GREB1: variants seen among roughly 807,000 people sequenced by gnomAD.
GREB1 encodes the protein growth regulating estrogen receptor binding 1.
Under a neutral mutation model 200.7 loss-of-function variants are expected in GREB1, and 106 were observed. The ratio of observed to expected loss-of-function variants is 0.53; its 90% CI spans 0.45 to 0.62. The LOEUF (loss-of-function observed/expected upper bound fraction) is 0.62. Ranked by LOEUF, GREB1 falls within the 20% of genes least tolerant of loss-of-function variation. The pLI, the probability that GREB1 is intolerant of heterozygous loss-of-function variation, is 0.00. For synonymous variants in GREB1, 1,132 were observed against 1,092.4 expected, an observed-to-expected ratio of 1.04 and a Z score of -0.72; for missense variants, 2,243 against 2,556.8, an observed-to-expected ratio of 0.88 and a Z score of 2.65.
chr2:11,486,525 C>T (rs1409882645), intron 1 of GREB1, among the ~76,000 whole-genome samples: 1 of 151,560 alleles, frequency 6.6e-6, no homozygotes, highest in Non-Finnish European at 1.5e-5. Flanking sequence ...ATATTTGTGA[C>T]GTAAAATTTA....
intron 23 of GREB1, among the ~76,000 whole-genome samples, chr2:11,624,892 A>G (rs564756794): frequency 8.5e-5 from 13 of 152,234 alleles, no homozygotes; most frequent in African/African-American, 2.6e-4. Context: ...AATTCTTCCA[A>G]TGTGGCCCAG....
intron 12 of GREB1, 104 bp downstream of exon 12, chr2:11,595,483 T>C (rs990803465): frequency 8.6e-7 from 1 of 1,158,584 alleles, no homozygotes; most frequent in Non-Finnish European, 1.2e-6. Context: ...CTGCTAAGGC[T>C]GGCCTCCACT....
intron 1 of GREB1, among the ~76,000 whole-genome samples, chr2:11,523,022 A>G (rs1285622680): frequency 6.6e-6 from 1 of 152,216 alleles, no homozygotes; most frequent in East Asian, 1.9e-4. Flanking sequence ...TGTGGTACAG[A>G]TACACCATGG....
intron 26 of GREB1, among the ~76,000 whole-genome samples, chr2:11,631,349 A>T (rs1684859033): frequency 6.6e-6 from 1 of 152,208 alleles, no homozygotes. Flanking sequence ...TTGCATGGAA[A>T]ATTAAAGACA....
At chr2:11,501,200 C>G (rs1673028234) in intron 1 of GREB1, among the ~76,000 whole-genome samples, 1 of 152,172 alleles carries the variant, frequency 6.6e-6, no homozygotes, top group Non-Finnish European at 1.5e-5. Context: ...CTTTAATCAG[C>G]TGTGTTCCCT....
At chr2:11,491,779 A>C (rs557506799) in intron 1 of GREB1, among the ~76,000 whole-genome samples, 79 of 152,276 alleles carry the variant, frequency 5.2e-4, no homozygotes, top group African/African-American at 1.9e-3. Flanking sequence ...TTAACCTTCT[A>C]GTTCCAGGCC....
rs747613801 is a variant in GREB1 at position 11,618,466 on chromosome 2, G to A, written c.3591G>A (p.Thr1197=). Residue 1197 remains threonine (T), a synonymous_variant, in exon 22 of 33, where the codon ACG becomes ACA. Coordinates refer to ENST00000381486, the MANE Select transcript of GREB1 (RefSeq NM_014668.4). ...SAISRHSPGP[T]PQPDCSLRTG... is the part of the protein sequence containing the mutation. ...TCAGCAGGCACAGTCCCGGGCCGAC[G>A]CCCCAGCCCGACTGTAGCCTCAGGA... 57 of 1,606,018 alleles carry A rather than the reference G, an allele frequency of 3.5e-5. No individual in the cohort carries two copies. Among genetic ancestry groups the A allele is most frequent in the East Asian group, 1.3e-4 (6 of 44,596 alleles).
At chr2:11,491,144 T>C (rs1179237346) in intron 1 of GREB1, among the ~76,000 whole-genome samples, 2 of 152,174 alleles carry the variant, frequency 1.3e-5, no homozygotes, top group Non-Finnish European at 2.9e-5. Flanking sequence ...GTGGTTTAGA[T>C]CCATTGTTTT....
Position 11,593,095 on chromosome 2 carries a change from C to A in GREB1, c.1665C>A (p.Ser555Arg). Residue 555 changes from serine to arginine, a missense_variant, in exon 11 of 33, where the codon AGC becomes AGA. Ser to Arg is a moderately radical substitution (Grantham distance 110). This residue lies in a region of GREB1 where 1,178 missense variants were observed against 1,387.4 expected (regional missense o/e 0.85). Transcript: ENST00000381486. ...TGGTCATCATCTGCGCCTGCCGCAG[C>A]GCGGCCATCGACTCCTGCATCGCCG... ...NYVVIICACR[S>R]AAIDSCIAVT... 6.2e-7 allele frequency: 1 copy of A among 1,608,418 alleles called. No individual in the cohort carries two copies. The highest frequency in any genetic ancestry group is 2.2e-5 in the East Asian group (1 of 44,714).
intron 22 of GREB1, among the ~76,000 whole-genome samples, chr2:11,619,705 A>C (rs1259522377): frequency 6.6e-6 from 1 of 151,952 alleles, no homozygotes; most frequent in African/African-American, 2.4e-5. Context: ...CTTCTTTTTC[A>C]GTGATTTTCT....
chr2:11,556,589 A>G lies in GREB1; in HGVS notation c.-26A>G. On this transcript the variant is annotated 5_prime_UTR_variant, in exon 2 of 33. It removes the in-frame stop codon of an upstream open reading frame in the 5' UTR. Coordinates refer to ENST00000381486, the MANE Select transcript of GREB1 (RefSeq NM_014668.4). The stretch of plus-strand genomic sequence containing the variant: ...TGCACCGAATCTGAGATGCCATTTT[A>G]AACAGAAGACTCCATCCTCTTGAAG... 6.3e-7 allele frequency: 1 copy of G among 1,588,470 alleles called. No individual in the cohort carries two copies. The highest frequency in any genetic ancestry group is 1.1e-5 in the South Asian group (1 of 87,134).
At chr2:11,638,623 A>G in intron 31 of GREB1, 48 bp from the exon 32 acceptor site, 3 of 1,587,706 alleles carry the variant, frequency 1.9e-6, no homozygotes, top group Non-Finnish European at 2.6e-6. Flanking sequence ...AATGTTACTG[A>G]GCATTTCATA....
At chr2:11,562,400 C>G (rs1677154523) in intron 2 of GREB1, 63 bp from the exon 3 acceptor site, 6 of 1,597,370 alleles carry the variant, frequency 3.8e-6, no homozygotes, top group Non-Finnish European at 4.3e-6. Flanking sequence ...AGGAAAGGCC[C>G]TGGGGGAAGC....
chr2:11,602,379 A>T, intron 16 of GREB1, 27 bp from the exon 17 acceptor site: 1 of 1,608,226 alleles, frequency 6.2e-7, no homozygotes, highest in Non-Finnish European at 8.5e-7. Context: ...GCAGTGTTGG[A>T]GTGACCGACG....
At position 11,635,289 on chromosome 2, in the gene GREB1, G is replaced by A; in HGVS notation, c.5230G>A (p.Asp1744Asn). 6.2e-7 allele frequency: 1 copy of A among 1,614,194 alleles called. No individual in the cohort carries two copies. Among genetic ancestry groups the A allele is most frequent in the Non-Finnish European group, 8.5e-7 (1 of 1,180,022 alleles). ...NQNRFLCDDVDFNLRVHSAGL... is the reference protein window; with the variant it reads ...NQNRFLCDDVNFNLRVHSAGL... ...GAGTAGGTTCCTGTGTGACGATGTAGACTTCAACCTGCGGGTGCACAGCGC... is the reference window on the plus strand; with the variant it reads ...GAGTAGGTTCCTGTGTGACGATGTAAACTTCAACCTGCGGGTGCACAGCGC... The change falls in exon 30 of 33, where the codon GAC (aspartate) becomes AAC (asparagine). Residue 1744 changes from aspartate (D) to asparagine (N), a missense_variant. Physicochemically the swap from Asp to Asn is conservative, Grantham distance 23. Around this residue, in one of 3 missense-constraint regions of GREB1, gnomAD observed 478 missense variants for 616.3 expected, o/e 0.78. Coordinates refer to ENST00000381486, the MANE Select transcript of GREB1 (RefSeq NM_014668.4).
chr2:11,567,721 C>T (rs910387426), intron 4 of GREB1, among the ~76,000 whole-genome samples: 3 of 152,210 alleles, frequency 2.0e-5, no homozygotes, highest in East Asian at 1.9e-4. Flanking sequence ...GCCTGGCTGC[C>T]TTTGCTCATA....
At chr2:11,530,729 C>T (rs1344687402), upstream of GREB1, among the ~76,000 whole-genome samples, 9 of 152,134 alleles carry the variant, frequency 5.9e-5, no homozygotes, top group Non-Finnish European at 1.3e-4. Flanking sequence ...AGTGCACCTT[C>T]ACCAGAACCT....
At chr2:11,591,953 T>C (rs1302369220) in intron 10 of GREB1, 3 of 963,032 alleles carry the variant, frequency 3.1e-6, no homozygotes, top group Non-Finnish European at 3.7e-6. Context: ...ATTGCAGCTA[T>C]TTGTAAGGAC....
intron 2 of GREB1, among the ~76,000 whole-genome samples, chr2:11,560,167 A>C (rs1676855149): frequency 6.6e-6 from 1 of 152,198 alleles, no homozygotes; most frequent in Non-Finnish European, 1.5e-5. Context: ...CATTTTAAAG[A>C]TGCAGGATCA....
Sources: gnomAD v4.1 joint callset for allele counts (sites outside exome capture counted in the v4.1 genomes callset) on GRCh38, gnomAD v4.1.1 for gene constraint, gnomAD v4.1.1 regional missense constraint, MANE v1.5 for transcripts, NCBI Gene and HGNC (gene_info 2026-07-23, HGNC 2026-07-21) for gene names.